The following KCNG2 variants were observed in gnomAD, a reference collection of about 807,000 sequenced individuals.
The protein encoded by KCNG2 is potassium voltage-gated channel modifier subfamily G member 2, also known as voltage-gated potassium channel regulatory subunit KCNG2.
KCNG2 carries 7 observed loss-of-function variants against 12.3 expected under a neutral mutation model. The observed-to-expected ratio is 0.57, with a 90% CI of 0.32 to 1.07. The LOEUF is 1.07. KCNG2 is among the 50% of genes least tolerant of loss of function. KCNG2 has a pLI of 0.04. For synonymous variants in KCNG2, 414 were observed against 351.4 expected (o/e 1.18, Z -1.99); for missense variants, 703 against 726.0 (o/e 0.97, Z 0.36).
rs34740785 is a variant in KCNG2, at chr18:79,804,234, G to A, written c.-115+6220G>A. Among the ~76,000 whole-genome samples, 690 of 152,350 alleles carry A rather than the reference G, an allele frequency of 4.5e-3. 4 individuals are homozygous for A. The highest frequency in any genetic ancestry group is 7.9e-3 in the Non-Finnish European group (538 of 68,032). The stretch of plus-strand genomic sequence containing the variant: ...CTACAAGAATAGGGCATTTGAGAGC[G>A]TGTTCTTCTTGCCCAGGCCGGAAGG... On this transcript the variant is annotated intron_variant, in intron 1 of 3. Transcript: ENST00000316249.
chr18:79,865,304 G>A (rs1979437204), intron 3 of KCNG2, among the ~76,000 whole-genome samples: 1 of 136,288 alleles, frequency 7.3e-6, no homozygotes, highest in East Asian at 2.4e-4. Flanking sequence ...GCTGAGGTCT[G>A]GGTGCTGAGG....
intron 1 of KCNG2, among the ~76,000 whole-genome samples, chr18:79,848,707 G>T (rs1432261767): frequency 6.6e-6 from 1 of 152,184 alleles, no homozygotes; most frequent in Non-Finnish European, 1.5e-5. Context: ...TGGCCCACGG[G>T]CTGGGGCACA....
chr18:79,824,021 G>C (rs1009488859), intron 1 of KCNG2, among the ~76,000 whole-genome samples: 1 of 151,708 alleles, frequency 6.6e-6, no homozygotes, highest in Non-Finnish European at 1.5e-5. Flanking sequence ...TTTAATTTTT[G>C]AGACAAGATC....
At chr18:79,835,681 A>C (rs1040019740) in intron 1 of KCNG2, among the ~76,000 whole-genome samples, 1 of 152,176 alleles carries the variant, frequency 6.6e-6, no homozygotes, top group Non-Finnish European at 1.5e-5. Flanking sequence ...GAGTTTTCTG[A>C]ATTGCTCGAT....
intron 1 of KCNG2, among the ~76,000 whole-genome samples, chr18:79,827,423 G>C (rs1234093202): frequency 6.6e-6 from 1 of 152,246 alleles, no homozygotes; most frequent in Non-Finnish European, 1.5e-5. Context: ...GAGGTCATCT[G>C]GCCCCAGCCA....
chr18:79,813,136 G>C (rs1255475314), intron 1 of KCNG2, among the ~76,000 whole-genome samples: 2 of 152,206 alleles, frequency 1.3e-5, no homozygotes, highest in Admixed American at 6.5e-5. Flanking sequence ...GCCTGGGTGA[G>C]AGGGTGAGAC....
chr18:79,894,896 G>A (rs569191331), intron 3 of KCNG2, among the ~76,000 whole-genome samples: 5 of 151,572 alleles, frequency 3.3e-5, no homozygotes, highest in Non-Finnish European at 7.4e-5. Flanking sequence ...GATATAGTTG[G>A]GTCTGTGTCT....
chr18:79,801,744 A>G (rs1234541673), intron 1 of KCNG2, among the ~76,000 whole-genome samples: 2 of 152,234 alleles, frequency 1.3e-5, no homozygotes, highest in Non-Finnish European at 2.9e-5. Flanking sequence ...GTATTCTTGC[A>G]TAGGATTAGT....
chr18:79,893,105 T>C (rs1980808109), intron 3 of KCNG2, among the ~76,000 whole-genome samples: 1 of 152,124 alleles, frequency 6.6e-6, no homozygotes, highest in Admixed American at 6.5e-5. Flanking sequence ...ATGATTCATA[T>C]AGTTGGGTCT....
intron 3 of KCNG2, among the ~76,000 whole-genome samples, chr18:79,883,097 G>T (rs1392514372): frequency 3.3e-5 from 5 of 152,254 alleles, no homozygotes; most frequent in Non-Finnish European, 7.3e-5. Context: ...GTGCATCCAC[G>T]GTGCGCGGTG....
At position 79,800,833 on chromosome 18, in the gene KCNG2, C is replaced by T. The variant is rs924096217; in HGVS notation, c.-115+2819C>T. ...TTGGGGAACCACAGCGAGGGGCACC[C>T]GAAGCAAATGTCAAGTCAAAATGGG... On this transcript the variant is annotated intron_variant, in intron 1 of 3. Transcript: ENST00000316249. This position sits in a 1 kb window ranked among gnomAD's most constrained non-coding sequence, Gnocchi z 4.0. Among the ~76,000 whole-genome samples the T allele has an allele frequency of 5.9e-5, 9 of 152,214 alleles. No homozygotes were observed. The highest frequency in any genetic ancestry group is 1.9e-4 in the East Asian group (1 of 5,186).
chr18:79,872,761 C>T (rs755685165), intron 3 of KCNG2, among the ~76,000 whole-genome samples: 1 of 152,256 alleles, frequency 6.6e-6, no homozygotes, highest in Non-Finnish European at 1.5e-5. Flanking sequence ...CCTGTTTCCT[C>T]ACCAAACAAA....
chr18:79,809,951 G>A (rs983573784), intron 1 of KCNG2, among the ~76,000 whole-genome samples: 3 of 152,240 alleles, frequency 2.0e-5, no homozygotes, highest in Non-Finnish European at 2.9e-5. Context: ...GCTGGTGGGC[G>A]GAGTCCTGTG....
chr18:79,861,295 T>C (rs962186168), intron 2 of KCNG2, among the ~76,000 whole-genome samples: 20 of 78,264 alleles, frequency 2.6e-4, no homozygotes, highest in African/African-American at 8.0e-4. Context: ...TTTTTTTTTT[T>C]GAGATGGAGT....
intron 1 of KCNG2, among the ~76,000 whole-genome samples, chr18:79,819,586 C>G (rs1180616646): frequency 6.6e-6 from 1 of 152,232 alleles, no homozygotes; most frequent in Non-Finnish European, 1.5e-5. Context: ...TGAGCCCCGT[C>G]CTCCCTACAG....
intron 2 of KCNG2, among the ~76,000 whole-genome samples, chr18:79,857,926 C>T (rs567745342): frequency 2.0e-5 from 3 of 152,278 alleles, no homozygotes; most frequent in Admixed American, 6.5e-5. Context: ...CACTCCCCAT[C>T]GCCCCTCTTC....
intron 2 of KCNG2, among the ~76,000 whole-genome samples, chr18:79,858,585 G>A (rs770263723): frequency 6.6e-6 from 1 of 151,814 alleles, no homozygotes; most frequent in Non-Finnish European, 1.5e-5. Flanking sequence ...TGTACATCTC[G>A]GAGTGGGGTC....
intron 3 of KCNG2, among the ~76,000 whole-genome samples, chr18:79,885,418 C>T (rs957594890): frequency 2.0e-5 from 3 of 152,210 alleles, no homozygotes; most frequent in African/African-American, 4.8e-5. Context: ...CCGACCATCC[C>T]ACCTGTGGTT....
At chr18:79,839,250 T>C (rs1978389252) in intron 1 of KCNG2, among the ~76,000 whole-genome samples, 1 of 152,164 alleles carries the variant, frequency 6.6e-6, no homozygotes, top group African/African-American at 2.4e-5. Flanking sequence ...GCCATGATCA[T>C]GCCACTGCAC....
Sources: gnomAD v4.1 joint callset for allele counts (sites outside exome capture counted in the v4.1 genomes callset) on GRCh38, gnomAD v4.1.1 for gene constraint, Gnocchi (gnomAD v3.1) non-coding constraint, MANE v1.5 for transcripts, NCBI Gene and HGNC (gene_info 2026-07-23, HGNC 2026-07-21) for gene names.